The following COL21A1 variants were observed in gnomAD, a reference collection of about 807,000 sequenced individuals.
COL21A1 encodes collagen alpha-1(XXI) chain.
A neutral mutation model predicts 137.9 loss-of-function variants in COL21A1; 149 were observed. That is an observed-to-expected ratio of 1.08 (90% CI 0.95 to 1.24). The LOEUF (loss-of-function observed/expected upper bound fraction) is 1.24, where lower values mean the gene tolerates loss of function less well. COL21A1 is among the 50% of genes most tolerant of loss of function. The probability of loss-of-function intolerance (pLI) is 0.00; values close to 1 mark genes in which losing one functional copy is unlikely to be tolerated. For missense variants in COL21A1, 1,167 were observed against 1,158.4 expected, an observed-to-expected ratio of 1.01 and a Z score of -0.11; for synonymous variants, 456 against 391.5, an observed-to-expected ratio of 1.16 and a Z score of -1.95.
At chr6:56,165,954 C>G (rs1332868396) in intron 7 of COL21A1, among the ~76,000 whole-genome samples, 1 of 144,880 alleles carries the variant, frequency 6.9e-6, no homozygotes, top group Admixed American at 6.8e-5. Context: ...ACACTCCATG[C>G]GATGCTATAA....
chr6:56,214,920 G>A (rs888788224), intron 1 of COL21A1, among the ~76,000 whole-genome samples: 6 of 152,012 alleles, frequency 3.9e-5, no homozygotes, highest in African/African-American at 1.4e-4. Flanking sequence ...CAAATAAAAA[G>A]AGCCAAAGGG....
intron 9 of COL21A1, among the ~76,000 whole-genome samples, chr6:56,160,357 G>C (rs764983932): frequency 9.2e-5 from 14 of 152,180 alleles, no homozygotes; most frequent in Non-Finnish European, 1.3e-4. Flanking sequence ...GGCCAGGAAA[G>C]TTAGGTAAGT....
intron 1 of COL21A1, among the ~76,000 whole-genome samples, chr6:56,377,670 T>C (rs1314665435): frequency 6.6e-6 from 1 of 151,778 alleles, no homozygotes; most frequent in Non-Finnish European, 1.5e-5. Flanking sequence ...CCTAGACAAG[T>C]CCTAGGGCTG....
intron 1 of COL21A1, among the ~76,000 whole-genome samples, chr6:56,297,045 G>C (rs1582763316): frequency 6.6e-6 from 1 of 151,952 alleles, no homozygotes; most frequent in Non-Finnish European, 1.5e-5. Flanking sequence ...TTTTGTTGTA[G>C]CTTTATCATA....
At chr6:56,329,567 G>T (rs1279538537) in intron 1 of COL21A1, among the ~76,000 whole-genome samples, 1 of 152,018 alleles carries the variant, frequency 6.6e-6, no homozygotes, top group Admixed American at 6.6e-5. Flanking sequence ...GAAAAAGATT[G>T]TTTGTCAGGA....
chr6:56,124,060 A>G lies in COL21A1; in HGVS notation c.1758+2T>C. 2 of 1,492,746 alleles carry G rather than the reference A, an allele frequency of 1.3e-6. No homozygotes were observed. Among genetic ancestry groups the G allele is most frequent in the Non-Finnish European group, 1.8e-6 (2 of 1,127,588 alleles). 92.5% of individuals were successfully genotyped at this position (1,492,746 alleles called of 1,614,324 possible). A position where few individuals can be genotyped will look rare whatever the true frequency, so the allele number is the denominator to read the frequency against. Reference sequence around the variant, plus strand: ...TGTCCTTTTTTTTTTTTTTATAAATACCTTGAAACCGGGACTACCCATTAA... The same window carrying G: ...TGTCCTTTTTTTTTTTTTTATAAATGCCTTGAAACCGGGACTACCCATTAA... On this transcript the variant is annotated splice_donor_variant, in intron 16 of 29. Coordinates refer to ENST00000244728, the MANE Select transcript of COL21A1 (RefSeq NM_030820.4). LOFTEE classifies it high-confidence loss of function.
chr6:56,262,170 G>A (rs1048095864), intron 1 of COL21A1, among the ~76,000 whole-genome samples: 21 of 152,046 alleles, frequency 1.4e-4, no homozygotes, highest in Admixed American at 9.8e-4. Flanking sequence ...CACCATAAAT[G>A]TGTCCCACCC....
At chr6:56,186,404 T>G (rs1458603685) in intron 1 of COL21A1, among the ~76,000 whole-genome samples, 1 of 152,214 alleles carries the variant, frequency 6.6e-6, no homozygotes, top group African/African-American at 2.4e-5. Context: ...CACATTGAGT[T>G]GTGAAATACT....
chr6:56,074,568 AAT>A (rs1174663989), intron 19 of COL21A1, among the ~76,000 whole-genome samples: 1 of 151,436 alleles, frequency 6.6e-6, no homozygotes, highest in Non-Finnish European at 1.5e-5. Flanking sequence ...GTAAAAGAAA[AAT>A]ATAAAGGAAA....
chr6:56,275,386 TC>T, intron 1 of COL21A1, among the ~76,000 whole-genome samples: 1 of 152,270 alleles, frequency 6.6e-6, no homozygotes, highest in East Asian at 1.9e-4. Context: ...TTAAAGAGCT[TC>T]TGCACAGCAA....
At position 56,266,620 on chromosome 6, in the gene COL21A1, G is replaced by T. The variant is rs1254669277; in HGVS notation, c.-38-83964C>A. Among the ~76,000 whole-genome samples, 6 of 152,190 alleles carry T rather than the reference G, an allele frequency of 3.9e-5. 1 individual carries two copies. The highest frequency in any genetic ancestry group is 7.3e-5 in the Non-Finnish European group (5 of 68,048). ...ATGACTGCTGTTCTTTGAAAGAAAA[G>T]TACCTAAGTACATACCTTTTCTGGT... On this transcript the variant is annotated intron_variant, in intron 1 of 28. Transcript: ENST00000370819.
chr6:56,258,668 CTTG>C (rs1285768151), intron 1 of COL21A1, among the ~76,000 whole-genome samples: 1 of 152,158 alleles, frequency 6.6e-6, no homozygotes, highest in Non-Finnish European at 1.5e-5. Flanking sequence ...CTACCTGTCA[CTTG>C]TTGAGTCAGT....
chr6:56,153,882 T>G (rs1775521816), intron 10 of COL21A1, among the ~76,000 whole-genome samples: 1 of 152,180 alleles, frequency 6.6e-6, no homozygotes, highest in Non-Finnish European at 1.5e-5. Context: ...TTCTCTTCTC[T>G]ATTTATTTGT....
intron 1 of COL21A1, among the ~76,000 whole-genome samples, chr6:56,233,298 A>G (rs1285542906): frequency 1.3e-5 from 2 of 151,920 alleles, no homozygotes. Flanking sequence ...GGCAACAAAT[A>G]AGAGTGAACA....
At position 56,067,414 on chromosome 6, in the gene COL21A1, A is replaced by C. The variant is rs1562143450; in HGVS notation, c.2092-84T>G. The C allele has an allele frequency of 4.8e-6, 6 of 1,257,510 alleles. No homozygotes were observed. The East Asian group carries it at 1.4e-4, about 30-fold the overall frequency. 77.9% of individuals were successfully genotyped at this position (1,257,510 alleles called of 1,614,324 possible). On this transcript the variant is annotated intron_variant, in intron 22 of 29. Transcript: ENST00000244728. The stretch of plus-strand genomic sequence containing the variant: ...AAACATATATTTTTCTCTGCTGAAG[A>C]AAAACAACATCTCGTGCAAACTCCA...
At chr6:56,305,750 G>T (rs1183074438) in intron 1 of COL21A1, among the ~76,000 whole-genome samples, 2 of 151,800 alleles carry the variant, frequency 1.3e-5, no homozygotes, top group African/African-American at 4.8e-5. Flanking sequence ...GGTTAATATT[G>T]TTATGTGTGA....
At chr6:56,290,974 C>A (rs1247922072) in intron 1 of COL21A1, among the ~76,000 whole-genome samples, 3 of 152,076 alleles carry the variant, frequency 2.0e-5, no homozygotes, top group Non-Finnish European at 4.4e-5. Context: ...AATAGCACTT[C>A]TGCTTGCCAC....
chr6:56,184,509 A>C (rs1778132777), intron 1 of COL21A1, among the ~76,000 whole-genome samples: 1 of 152,220 alleles, frequency 6.6e-6, no homozygotes, highest in Non-Finnish European at 1.5e-5. Context: ...GTATTATTTA[A>C]TTAGAACAGA....
intron 10 of COL21A1, among the ~76,000 whole-genome samples, chr6:56,146,487 T>C (rs1774846755): frequency 6.6e-6 from 1 of 152,130 alleles, no homozygotes; most frequent in African/African-American, 2.4e-5. Flanking sequence ...GTGGTTTATA[T>C]GCTTTTACTG....
Sources: allele counts gnomAD v4.1 joint callset (sites outside exome capture counted in the v4.1 genomes callset), GRCh38; gene constraint gnomAD v4.1.1; transcripts MANE v1.5; gene names NCBI Gene and HGNC (gene_info 2026-07-23, HGNC 2026-07-21).